SLC10A7: variants seen among roughly 807,000 people sequenced by gnomAD.
SLC10A7 encodes the protein sodium/bile acid cotransporter 7.
In SLC10A7, 29 loss-of-function variants were observed where a neutral mutation model predicts 43.2. That is an observed-to-expected ratio of 0.67 (90% CI 0.50 to 0.92). The LOEUF is 0.92. Ranked by LOEUF, SLC10A7 falls within the 40% of genes least tolerant of loss-of-function variation. The pLI is 0.00. For synonymous variants in SLC10A7, 152 were observed against 144.8 expected (o/e 1.05, Z -0.35); for missense variants, 295 against 403.2 (o/e 0.73, Z 2.30).
At chr4:146,442,153 T>C in intron 5 of SLC10A7, 1 of 969,536 alleles carries the variant, frequency 1.0e-6, no homozygotes, top group Non-Finnish European at 1.2e-6. Context: ...TGTTACATCA[T>C]TTATTTAAAA....
At chr4:146,442,237 T>TCATATA (rs1553973108) in intron 5 of SLC10A7, 1 of 751,266 alleles carries the variant, frequency 1.3e-6, no homozygotes, top group African/African-American at 2.0e-5. Context: ...TTTTGAATCT[T>TCATATA]TATATATATA....
chr4:146,356,628 A>G (rs935249985), intron 5 of SLC10A7, among the ~76,000 whole-genome samples: 2 of 151,580 alleles, frequency 1.3e-5, no homozygotes, highest in Non-Finnish European at 2.9e-5. Context: ...TCTTGCTGTT[A>G]TCTTGCTTTA....
intron 6 of SLC10A7, among the ~76,000 whole-genome samples, chr4:146,325,054 T>C (rs1169814272): frequency 6.6e-6 from 1 of 152,202 alleles, no homozygotes; most frequent in Non-Finnish European, 1.5e-5. Context: ...ATTCTATTAC[T>C]CTAATTGAAT....
At chr4:146,270,813 T>C (rs142947978) in intron 10 of SLC10A7, among the ~76,000 whole-genome samples, 3 of 152,334 alleles carry the variant, frequency 2.0e-5, no homozygotes, top group South Asian at 4.1e-4. Flanking sequence ...TGCAGGGCTA[T>C]TGTAAAGATT....
At chr4:146,342,691 A>G (rs1734353571) in intron 5 of SLC10A7, among the ~76,000 whole-genome samples, 1 of 151,706 alleles carries the variant, frequency 6.6e-6, no homozygotes, top group South Asian at 2.1e-4. Context: ...TACTACTTAA[A>G]CCATATATTT....
chr4:146,371,001 G>A (rs910423168), intron 5 of SLC10A7, among the ~76,000 whole-genome samples: 2 of 152,174 alleles, frequency 1.3e-5, no homozygotes, highest in Non-Finnish European at 2.9e-5. Context: ...GTTTATGGAA[G>A]AACCTCAGAA....
At chr4:146,392,081 G>A (rs1017850151) in intron 5 of SLC10A7, among the ~76,000 whole-genome samples, 24 of 152,078 alleles carry the variant, frequency 1.6e-4, no homozygotes, top group Admixed American at 2.6e-4. Context: ...GTCTGCAAAC[G>A]GAGCTCAGGG....
intron 5 of SLC10A7, among the ~76,000 whole-genome samples, chr4:146,427,160 T>A (rs1171610717): frequency 6.6e-6 from 1 of 151,344 alleles, no homozygotes; most frequent in Non-Finnish European, 1.5e-5. Flanking sequence ...CAAAACCCTG[T>A]CTCTATAAAA....
intron 4 of SLC10A7, among the ~76,000 whole-genome samples, chr4:146,494,696 A>C (rs921552731): frequency 3.3e-5 from 5 of 152,262 alleles, no homozygotes; most frequent in African/African-American, 1.2e-4. Context: ...ATGAATCTCC[A>C]TCTTTTCTGT....
In SLC10A7 at chr4:146,305,995, A is replaced by G. The variant is rs1371888371; in HGVS notation, c.486T>C (p.Ser162=). The change falls in exon 7 of 12, where the codon TCT becomes TCC. Residue 162 remains serine, a synonymous_variant. Coordinates refer to ENST00000335472, the MANE Select transcript of SLC10A7 (RefSeq NM_001029998.6). ...AAAAAATAGATGTGAAAGGCACAGA[A>G]GAAGATGAACCAAGCTGTAAAACAA... ...LLLLLFLGSS[S]SVPFTSIFSQ... 2 of 1,608,680 alleles carry G rather than the reference A, an allele frequency of 1.2e-6. No homozygotes were observed. Among genetic ancestry groups the G allele is most frequent in the East Asian group, 2.2e-5 (1 of 44,640 alleles).
intron 5 of SLC10A7, among the ~76,000 whole-genome samples, chr4:146,407,289 C>T (rs1466337621): frequency 2.0e-5 from 3 of 152,122 alleles, no homozygotes; most frequent in Non-Finnish European, 4.4e-5. Context: ...TGAGTTTGAA[C>T]ATTGAAAACA....
Position 146,254,712 on chromosome 4 carries a change from T to TGACA in SLC10A7, c.*1775_*1778dup, listed in dbSNP as rs1447325852. ...AGATTTTTATGATAGGGCAGATAGA[T>TGACA]GACAGACAGACAGACACTTCCATTT... is the stretch of plus-strand genomic sequence containing the variant. On this transcript the variant is annotated 3_prime_UTR_variant, in exon 12 of 12. Coordinates refer to ENST00000335472, the MANE Select transcript of SLC10A7 (RefSeq NM_001029998.6). The TGACA allele has an allele frequency of 4.6e-5, 7 of 152,168 alleles. No homozygotes were observed. The highest frequency in any genetic ancestry group is 3.3e-4 in the Admixed American group (5 of 15,274). The allele number at this position is 152,168 out of a possible 1,614,324, so 9.4% of individuals were successfully genotyped here.
At chr4:146,459,400 TG>T (rs1732338639) in intron 4 of SLC10A7, among the ~76,000 whole-genome samples, 1 of 151,748 alleles carries the variant, frequency 6.6e-6, no homozygotes, top group Non-Finnish European at 1.5e-5. Flanking sequence ...TTAGAAAAGT[TG>T]GAAGACTCAC....
chr4:146,462,495 C>G (rs181978125), intron 4 of SLC10A7, among the ~76,000 whole-genome samples: 4 of 152,098 alleles, frequency 2.6e-5, no homozygotes, highest in Admixed American at 6.6e-5. Context: ...AGAGCTCCCC[C>G]CAAACACTCT....
intron 5 of SLC10A7, among the ~76,000 whole-genome samples, chr4:146,413,194 C>T (rs962492043): frequency 6.6e-6 from 1 of 151,996 alleles, no homozygotes; most frequent in Non-Finnish European, 1.5e-5. Context: ...CTGATTTTCT[C>T]AGATAGCCAA....
At chr4:146,256,646 C>A in intron 11 of SLC10A7, 126 bp from the exon 12 acceptor site, 1 of 1,109,138 alleles carries the variant, frequency 9.0e-7, no homozygotes. Context: ...CATCATATAA[C>A]CAATAATCCA....
intron 4 of SLC10A7, among the ~76,000 whole-genome samples, chr4:146,499,734 A>T (rs1371900950): frequency 6.6e-6 from 1 of 152,228 alleles, no homozygotes; most frequent in Non-Finnish European, 1.5e-5. Context: ...ACAATCATGA[A>T]GCTATACAAT....
intron 5 of SLC10A7, among the ~76,000 whole-genome samples, chr4:146,435,133 TA>T (rs1730112649): frequency 6.6e-6 from 1 of 152,202 alleles, no homozygotes; most frequent in Non-Finnish European, 1.5e-5. Flanking sequence ...AATCTAGGCT[TA>T]AAAAATGATT....
intron 6 of SLC10A7, among the ~76,000 whole-genome samples, chr4:146,316,190 TGAGAA>T (rs528904641): frequency 9.5e-4 from 144 of 152,176 alleles, no homozygotes; most frequent in African/African-American, 3.2e-3. Context: ...GAAGATATAC[TGAGAA>T]AATAAAGAAG....
Sources: allele counts gnomAD v4.1 joint callset (sites outside exome capture counted in the v4.1 genomes callset), GRCh38; gene constraint gnomAD v4.1.1; transcripts MANE v1.5; gene names NCBI Gene and HGNC (gene_info 2026-07-23, HGNC 2026-07-21).